Variants in SEMA6D observed in about 807,000 individuals in gnomAD.
The protein encoded by SEMA6D is semaphorin-6D.
SEMA6D carries 35 observed loss-of-function variants against 106.6 expected under a neutral mutation model. The observed-to-expected ratio is 0.33, with a 90% CI of 0.25 to 0.44. SEMA6D has a LOEUF of 0.44. Ranked by LOEUF, SEMA6D falls within the 20% of genes least tolerant of loss-of-function variation. The pLI, the probability that SEMA6D is intolerant of heterozygous loss-of-function variation, is 1.00. For synonymous variants in SEMA6D, 499 were observed against 487.7 expected (o/e 1.02, Z -0.31); for missense variants, 1,185 against 1,345.9 (o/e 0.88, Z 1.87).
chr15:47,535,385 A>C (rs1459022196), intron 3 of SEMA6D, among the ~76,000 whole-genome samples: 3 of 152,302 alleles, frequency 2.0e-5, no homozygotes, highest in African/African-American at 7.2e-5. Context: ...GAAGAGGCAA[A>C]GAGATATGGG....
intron 1 of SEMA6D, among the ~76,000 whole-genome samples, chr15:47,222,237 C>CCCAT (rs1172435704): frequency 3.3e-5 from 5 of 152,122 alleles, no homozygotes; most frequent in Non-Finnish European, 7.4e-5. Context: ...ACAGAAATGA[C>CCCAT]CCATCATATG....
intron 1 of SEMA6D, among the ~76,000 whole-genome samples, chr15:47,227,474 C>CTTTT (rs1238931499): frequency 4.4e-5 from 3 of 68,900 alleles, no homozygotes; most frequent in Non-Finnish European, 8.6e-5. Flanking sequence ...CTTTTTCTTT[C>CTTTT]TCTTTCTTTT....
intron 1 of SEMA6D, among the ~76,000 whole-genome samples, chr15:47,210,785 AAAATC>A (rs1402851606): frequency 6.6e-6 from 1 of 151,842 alleles, no homozygotes; most frequent in African/African-American, 2.4e-5. Flanking sequence ...AAAAAAAAAA[AAAATC>A]CAGCCATTGG....
intron 3 of SEMA6D, among the ~76,000 whole-genome samples, chr15:47,552,902 A>ATT (rs1250680238): frequency 8.9e-4 from 72 of 80,946 alleles, no homozygotes; most frequent in Non-Finnish European, 1.3e-3. Context: ...ATATATATAT[A>ATT]TATAAATATA....
At chr15:47,481,644 A>G (rs2043155815) in intron 3 of SEMA6D, among the ~76,000 whole-genome samples, 1 of 152,140 alleles carries the variant, frequency 6.6e-6, no homozygotes, top group South Asian at 2.1e-4. Context: ...AAGTCCATTG[A>G]GCTCTATTAC....
chr15:47,382,878 C>T (rs373964724), intron 1 of SEMA6D, among the ~76,000 whole-genome samples: 3 of 152,338 alleles, frequency 2.0e-5, no homozygotes, highest in East Asian at 3.9e-4. Context: ...AGCGACTCTC[C>T]TGTCTCAGCC....
chr15:47,356,022 G>T lies in SEMA6D; in HGVS notation c.-238-56371G>T, dbSNP rs531746596. On this transcript the variant is annotated intron_variant, in intron 1 of 19. Coordinates refer to the SEMA6D transcript ENST00000558014. ...AAAGAGGGACAGTCTAACCCAGAGG[G>T]AAATTCAGAGGAATCATGGGAATTG... is the stretch of plus-strand genomic sequence containing the variant. 1.2e-4 allele frequency among the ~76,000 whole-genome samples: 19 copies of T among 152,320 alleles called. No homozygotes were observed. The East Asian group carries it at 3.7e-3, about 29-fold the overall frequency.
chr15:47,734,259 T>C (rs1262934661), intron 1 of SEMA6D, among the ~76,000 whole-genome samples: 1 of 152,190 alleles, frequency 6.6e-6, no homozygotes, highest in Non-Finnish European at 1.5e-5. Flanking sequence ...ATGCAACAGA[T>C]AATTTTAGAG....
At chr15:47,339,827 A>C (rs1193495864) in intron 1 of SEMA6D, among the ~76,000 whole-genome samples, 1 of 152,022 alleles carries the variant, frequency 6.6e-6, no homozygotes, top group Non-Finnish European at 1.5e-5. Flanking sequence ...ATGAACTCCA[A>C]CTTGGGCGAC....
At chr15:47,766,967 T>A in intron 16 of SEMA6D, 70 bp from the exon 17 acceptor site, 1 of 853,848 alleles carries the variant, frequency 1.2e-6, no homozygotes, top group Non-Finnish European at 1.8e-6. Context: ...TTTTAGTTAA[T>A]TGGAATTCAT....
intron 2 of SEMA6D, among the ~76,000 whole-genome samples, chr15:47,428,670 T>C (rs533045852): frequency 1.1e-4 from 17 of 151,842 alleles, no homozygotes; most frequent in South Asian, 8.3e-4. Flanking sequence ...GCTACTCAGG[T>C]GGCTGAGGCA....
rs1170029323 is a variant in SEMA6D, at chr15:47,763,990, T to C, written c.888T>C (p.Val296=). 1 of 1,613,994 alleles carries C rather than the reference T, an allele frequency of 6.2e-7. No individual in the cohort carries two copies. Among genetic ancestry groups the C allele is most frequent in the Non-Finnish European group, 8.5e-7 (1 of 1,179,888 alleles). Residue 296 remains valine, a synonymous_variant, in exon 10 of 19, where the codon GTT becomes GTC. Coordinates refer to ENST00000536845, the MANE Select transcript of SEMA6D (RefSeq NM_001358351.3). ...VPGDSFFYFD[V]LQSITDIIQI... ...GAGATTCGTTTTTCTACTTTGATGT[T>C]CTGCAGTCTATTACAGACATAATAC...
chr15:47,766,453 CAGAA>C, intron 15 of SEMA6D, 159 bp from the exon 16 acceptor site: 2 of 679,384 alleles, frequency 2.9e-6, no homozygotes, highest in Middle Eastern at 3.5e-4. Context: ...CAGTTTTTAA[CAGAA>C]ATAGTCATTT....
chr15:47,447,414 A>T (rs1258830221), intron 2 of SEMA6D, among the ~76,000 whole-genome samples: 1 of 152,100 alleles, frequency 6.6e-6, no homozygotes, highest in Non-Finnish European at 1.5e-5. Flanking sequence ...TTAATCAATC[A>T]TGCCTATGCA....
At chr15:47,288,970 G>T (rs562232211) in intron 1 of SEMA6D, among the ~76,000 whole-genome samples, 17 of 152,160 alleles carry the variant, frequency 1.1e-4, no homozygotes, top group Non-Finnish European at 2.1e-4. Context: ...GCTGTTTGAG[G>T]TTGCTGGGCA....
At chr15:47,495,583 G>A (rs955649266) in intron 3 of SEMA6D, among the ~76,000 whole-genome samples, 4 of 151,886 alleles carry the variant, frequency 2.6e-5, no homozygotes, top group Admixed American at 2.6e-4. Context: ...AAAAAGAGAA[G>A]GAACATTCTA....
In SEMA6D at chr15:47,582,996, T is replaced by C. The variant is rs188559786; in HGVS notation, c.-86-17869T>C. Reference sequence around the variant, plus strand: ...AGCAGGGCAAGCCCACATTCACTCATTCATCAAATCAGCACATATTTACTG... The same window carrying C: ...AGCAGGGCAAGCCCACATTCACTCACTCATCAAATCAGCACATATTTACTG... On this transcript the variant is annotated intron_variant, in intron 3 of 19. Coordinates refer to the SEMA6D transcript ENST00000558014. Among the ~76,000 whole-genome samples the C allele has an allele frequency of 9.2e-4, 140 of 152,350 alleles. 3 individuals carry two copies. The South Asian group carries it at 0.019, about 21-fold the overall frequency.
intron 4 of SEMA6D, among the ~76,000 whole-genome samples, chr15:47,630,739 G>A (rs971205364): frequency 6.6e-6 from 1 of 151,728 alleles, no homozygotes; most frequent in East Asian, 1.9e-4. Flanking sequence ...GGTTTTTGTG[G>A]ATGCGTATTA....
intron 1 of SEMA6D, among the ~76,000 whole-genome samples, chr15:47,348,673 TCACACACACA>T (rs71118173): frequency 4.8e-5 from 5 of 105,002 alleles, no homozygotes; most frequent in African/African-American, 2.5e-4. Context: ...CAAGAGTACA[TCACACACACA>T]CACACACACA....
Sources: gnomAD v4.1 joint callset for allele counts (sites outside exome capture counted in the v4.1 genomes callset) on GRCh38, gnomAD v4.1.1 for gene constraint, MANE v1.5 for transcripts, NCBI Gene and HGNC (gene_info 2026-07-23, HGNC 2026-07-21) for gene names.